Variants in CHRNA9 observed in about 807,000 individuals in gnomAD.
The protein encoded by CHRNA9 is cholinergic receptor nicotinic alpha 9 subunit.
A neutral mutation model predicts 36.8 loss-of-function variants in CHRNA9; 24 were observed. That is an observed-to-expected ratio of 0.65 (90% CI 0.47 to 0.92). The LOEUF is 0.92. Ranked by LOEUF, CHRNA9 falls within the 40% of genes least tolerant of loss-of-function variation. The pLI, the probability that CHRNA9 is intolerant of heterozygous loss-of-function variation, is 0.00. For missense variants in CHRNA9, 610 were observed against 601.2 expected (o/e 1.01, Z -0.15); for synonymous variants, 231 against 231.8 (o/e 1.00, Z 0.03).
rs1011373271 is a variant in CHRNA9, at chr4:40,347,078, G to T, written c.366-1804G>T. Among the ~76,000 whole-genome samples, 9 of 152,234 alleles carry T rather than the reference G, an allele frequency of 5.9e-5. No individual in the cohort carries two copies. In the East Asian group the frequency reaches 1.7e-3, roughly 29 times the overall value. ...TCTACCCACCTCGGCCTCCCAAAGT[G>T]CTGGGATTACAGGTGTGAGCCACCA... On this transcript the variant is annotated intron_variant, in intron 3 of 4. Transcript: ENST00000310169.
At position 40,354,394 on chromosome 4, in the gene CHRNA9, C is replaced by T. The variant is rs757479961; in HGVS notation, c.1314C>T (p.His438=). Residue 438 remains histidine, a synonymous_variant, in exon 5 of 5, where the codon CAC becomes CAT. Coordinates refer to ENST00000310169, the MANE Select transcript of CHRNA9 (RefSeq NM_017581.4). Reference sequence around the variant, plus strand: ...ACATCGCCAAGTGCCTCAAAGACCACAAGGCCACCAATTCCAAGGGGAGTG... The same window carrying T: ...ACATCGCCAAGTGCCTCAAAGACCATAAGGCCACCAATTCCAAGGGGAGTG... ...IEYIAKCLKD[H]KATNSKGSEW... The T allele has an allele frequency of 5.6e-6, 9 of 1,614,096 alleles. No homozygotes were observed. The highest frequency in any genetic ancestry group is 1.1e-5 in the South Asian group (1 of 91,082).
At chr4:40,340,293 T>C (rs982930874) in intron 3 of CHRNA9, among the ~76,000 whole-genome samples, 1 of 152,200 alleles carries the variant, frequency 6.6e-6, no homozygotes, top group Non-Finnish European at 1.5e-5. Context: ...TCTTTAGTCA[T>C]CTCTGTGCTC....
Position 40,354,435 on chromosome 4 carries a change from C to T in CHRNA9, c.1355C>T (p.Ala452Val), listed in dbSNP as rs139982841. The T allele has an allele frequency of 7.1e-5, 115 of 1,613,960 alleles. No homozygotes were observed. In the African/African-American group the frequency reaches 8.8e-4, roughly 12 times the overall value. Residue 452 changes from alanine (A) to valine (V), a missense_variant, in exon 5 of 5, where the codon GCG becomes GTG. Ala to Val is a moderately conservative substitution (Grantham distance 64, BLOSUM62 0). Transcript: ENST00000310169. ...AAGGGGAGTGAATGGAAGAAGGTGGCGAAAGTCATAGACCGATTCTTCATG... is the reference window on the plus strand; with the variant it reads ...AAGGGGAGTGAATGGAAGAAGGTGGTGAAAGTCATAGACCGATTCTTCATG... ...NSKGSEWKKVAKVIDRFFMWI... is the reference protein window; with the variant it reads ...NSKGSEWKKVVKVIDRFFMWI...
At chr4:40,339,294 A>G (rs1359591639) in intron 3 of CHRNA9, among the ~76,000 whole-genome samples, 1 of 150,692 alleles carries the variant, frequency 6.6e-6, no homozygotes, top group Non-Finnish European at 1.5e-5. Context: ...AAAAAAAAAA[A>G]AAAAAAAGAA....
At chr4:40,345,722 C>A (rs1055634985) in intron 3 of CHRNA9, among the ~76,000 whole-genome samples, 2 of 150,424 alleles carry the variant, frequency 1.3e-5, no homozygotes, top group Non-Finnish European at 3.0e-5. Flanking sequence ...AAAAAACAAA[C>A]AAACAAACAA....
chr4:40,353,883 A>G, intron 4 of CHRNA9, 96 bp from the exon 5 acceptor site: 2 of 1,133,102 alleles, frequency 1.8e-6, no homozygotes, highest in Non-Finnish European at 2.5e-6. Context: ...AATGACTAAT[A>G]CCTTTCTCAG....
intron 4 of CHRNA9, among the ~76,000 whole-genome samples, chr4:40,353,288 C>T (rs957279952): frequency 1.6e-4 from 24 of 152,070 alleles, no homozygotes; most frequent in Non-Finnish European, 2.1e-4. Context: ...TTCAGGAGTT[C>T]GAGACCAGCC....
At position 40,335,826 on chromosome 4, in the gene CHRNA9, G is replaced by A. The variant is rs1217296171; in HGVS notation, c.65-1G>A. ...TAATCCAGATCCCTCTTGTTGAGTA[G>A]CTGCAGAGACGGCAGATGGAAAATA... is the stretch of plus-strand genomic sequence containing the variant. On this transcript the variant is annotated splice_acceptor_variant, in intron 1 of 4. Coordinates refer to ENST00000310169, the MANE Select transcript of CHRNA9 (RefSeq NM_017581.4). LOFTEE classifies it high-confidence loss of function. 1 of 1,612,100 alleles carries A rather than the reference G, an allele frequency of 6.2e-7. No individual in the cohort carries two copies. The highest frequency in any genetic ancestry group is 8.5e-7 in the Non-Finnish European group (1 of 1,178,630).
Position 40,338,667 on chromosome 4 carries a change from A to G in CHRNA9, c.365+1303A>G, listed in dbSNP as rs537044519. Among the ~76,000 whole-genome samples, 6 of 151,968 alleles carry G rather than the reference A, an allele frequency of 3.9e-5. No homozygotes were observed. The South Asian group carries it at 1.0e-3, about 26-fold the overall frequency. ...GTCTCACTCCTTACTCAGAGAGCTCATCTAAGGGTCATGAGCTCTGGAATC... is the reference window on the plus strand; with the variant it reads ...GTCTCACTCCTTACTCAGAGAGCTCGTCTAAGGGTCATGAGCTCTGGAATC... On this transcript the variant is annotated intron_variant, in intron 3 of 4. Transcript: ENST00000310169.
In CHRNA9 at chr4:40,339,662, C is replaced by CAAAAA. The variant is rs756343215; in HGVS notation, c.365+2313_365+2317dup. ...TGGGTGACAGAGCTAGACTCTATCT[C>CAAAAA]AAAAAAAAAAAAAAAAAAAGGCGGG... On this transcript the variant is annotated intron_variant, in intron 3 of 4. Coordinates refer to ENST00000310169, the MANE Select transcript of CHRNA9 (RefSeq NM_017581.4). Among the ~76,000 whole-genome samples the CAAAAA allele has an allele frequency of 3.0e-3, 284 of 94,012 alleles. 5 individuals are homozygous for CAAAAA. Among genetic ancestry groups the CAAAAA allele is most frequent in the African/African-American group, 0.011 (242 of 21,626 alleles). The allele number at this position is 94,012 out of a possible 152,430, so 61.7% of individuals were successfully genotyped here.
chr4:40,342,892 G>T (rs895422337), intron 3 of CHRNA9, among the ~76,000 whole-genome samples: 1 of 152,082 alleles, frequency 6.6e-6, no homozygotes, highest in Non-Finnish European at 1.5e-5. Flanking sequence ...GGGAGGAGAG[G>T]ACTCACACGA....
chr4:40,344,573 A>G (rs1712585665), intron 3 of CHRNA9, among the ~76,000 whole-genome samples: 1 of 151,898 alleles, frequency 6.6e-6, no homozygotes, highest in South Asian at 2.1e-4. Flanking sequence ...GGTTTTTGGT[A>G]GTTTGCTACA....
rs201842645 is a variant in CHRNA9, at chr4:40,354,209, C to A, written c.1129C>A (p.Leu377Ile). 3.7e-6 allele frequency: 6 copies of A among 1,614,232 alleles called. No homozygotes were observed. The highest frequency in any genetic ancestry group is 5.1e-6 in the Non-Finnish European group (6 of 1,180,042). The change falls in exon 5 of 5, where the codon CTC (leucine) becomes ATC (isoleucine). Residue 377 changes from leucine to isoleucine, a missense_variant. By Grantham distance (5) the Leu-to-Ile change is conservative. Transcript: ENST00000310169. ...CCACCTCACGAAAGTTTATAGCAAA[C>A]TCCCAGAGTCTAACCTGAAAGCAGC... ...RDHLTKVYSK[L>I]PESNLKAARN...
At position 40,336,758 on chromosome 4, in the gene CHRNA9, G is replaced by C. The variant is rs796208647; in HGVS notation, c.211-452G>C. ...GCCTCCCAAAGTGCTGGGATTACAG[G>C]CATGAGCCACCGCGCCCGGCCAATC... On this transcript the variant is annotated intron_variant, in intron 2 of 4. Coordinates refer to ENST00000310169, the MANE Select transcript of CHRNA9 (RefSeq NM_017581.4). Among the ~76,000 whole-genome samples the C allele has an allele frequency of 4.0e-4, 61 of 152,272 alleles. 1 individual carries two copies. The highest frequency in any genetic ancestry group is 1.4e-3 in the African/African-American group (58 of 41,544).
chr4:40,337,584 T>G (rs1388143650), intron 3 of CHRNA9, among the ~76,000 whole-genome samples: 1 of 152,200 alleles, frequency 6.6e-6, no homozygotes, highest in Non-Finnish European at 1.5e-5. Flanking sequence ...ATGCCCCTTT[T>G]TCAGGTGGGA....
At position 40,349,004 on chromosome 4, in the gene CHRNA9, C is replaced by A. The variant is rs1712716487; in HGVS notation, c.488C>A (p.Pro163His). The A allele has an allele frequency of 6.2e-7, 1 of 1,614,098 alleles. No individual in the cohort carries two copies. Residue 163 changes from proline to histidine, a missense_variant, in exon 4 of 5, where the codon CCT (proline) becomes CAT (histidine). By Grantham distance (77) the Pro-to-His change is moderately conservative. Coordinates refer to ENST00000310169, the MANE Select transcript of CHRNA9 (RefSeq NM_017581.4). Reference protein sequence around the residue: ...SSCVVDVTYFPFDNQQCNLTF... With the variant: ...SSCVVDVTYFHFDNQQCNLTF... Reference sequence around the variant, plus strand: ...TGTGTGGTGGATGTCACCTACTTCCCTTTTGACAACCAGCAGTGCAACCTG... The same window carrying A: ...TGTGTGGTGGATGTCACCTACTTCCATTTTGACAACCAGCAGTGCAACCTG...
chr4:40,336,410 GA>G (rs1371852190), intron 2 of CHRNA9, among the ~76,000 whole-genome samples: 2 of 152,160 alleles, frequency 1.3e-5, no homozygotes, highest in Admixed American at 6.5e-5. Context: ...ACAACGTTGT[GA>G]ATATATTGGA....
intron 3 of CHRNA9, among the ~76,000 whole-genome samples, chr4:40,341,881 G>C (rs1204913191): frequency 6.6e-6 from 1 of 152,204 alleles, no homozygotes; most frequent in Non-Finnish European, 1.5e-5. Flanking sequence ...TGGGACTACA[G>C]GTATGCACTA....
At chr4:40,352,368 C>T (rs569547647) in intron 4 of CHRNA9, among the ~76,000 whole-genome samples, 5 of 152,036 alleles carry the variant, frequency 3.3e-5, no homozygotes, top group Admixed American at 6.6e-5. Flanking sequence ...ATTACAGGCA[C>T]GTGCCAATAC....
Sources: allele counts gnomAD v4.1 joint callset (sites outside exome capture counted in the v4.1 genomes callset), GRCh38; gene constraint gnomAD v4.1.1; transcripts MANE v1.5; gene names NCBI Gene and HGNC (gene_info 2026-07-23, HGNC 2026-07-21).